Variants in SLC38A4 observed in about 807,000 individuals in gnomAD.
SLC38A4 encodes solute carrier family 38 member 4, also known as sodium-coupled neutral amino acid transporter 4.
In SLC38A4, 20 loss-of-function variants were observed where a neutral mutation model predicts 63.1. The ratio of observed to expected loss-of-function variants is 0.32; its 90% CI spans 0.22 to 0.46. The LOEUF (loss-of-function observed/expected upper bound fraction) is 0.46. Ranked by LOEUF, SLC38A4 falls within the 20% of genes least tolerant of loss-of-function variation. The probability of loss-of-function intolerance (pLI) is 1.00; values close to 1 mark genes in which losing one functional copy is unlikely to be tolerated. For missense variants in SLC38A4, 526 were observed against 663.6 expected, an observed-to-expected ratio of 0.79 and a Z score of 2.28; for synonymous variants, 230 against 225.5, an observed-to-expected ratio of 1.02 and a Z score of -0.18.
chr12:46,799,464 T>C (rs1051629998), intron 2 of SLC38A4, among the ~76,000 whole-genome samples: 28 of 152,168 alleles, frequency 1.8e-4, no homozygotes, highest in African/African-American at 6.3e-4. Flanking sequence ...TAGCTGGGCA[T>C]GGTGGCGCAT....
At chr12:46,820,667 A>T (rs1238366958) in intron 1 of SLC38A4, among the ~76,000 whole-genome samples, 1 of 151,988 alleles carries the variant, frequency 6.6e-6, no homozygotes, top group East Asian at 1.9e-4. Context: ...TGAGATTTTG[A>T]TTTCAATTCT....
chr12:46,817,858 C>T (rs1395545960), intron 1 of SLC38A4, among the ~76,000 whole-genome samples: 1 of 151,704 alleles, frequency 6.6e-6, no homozygotes, highest in Non-Finnish European at 1.5e-5. Flanking sequence ...AAATTAATTC[C>T]TATTAGTAAA....
intron 14 of SLC38A4, 114 bp downstream of exon 14, chr12:46,774,935 C>T: frequency 1.6e-6 from 2 of 1,215,422 alleles, no homozygotes; most frequent in East Asian, 2.5e-5. Flanking sequence ...AAATAATATC[C>T]TCAGGCATTG....
chr12:46,775,324 G>C, intron 13 of SLC38A4, 151 bp from the exon 14 acceptor site: 1 of 837,004 alleles, frequency 1.2e-6, no homozygotes, highest in Non-Finnish European at 1.8e-6. Context: ...GAGCTCATTA[G>C]CTATGCAACC....
chr12:46,789,394 T>G (rs1004006727), intron 3 of SLC38A4, among the ~76,000 whole-genome samples: 3 of 152,160 alleles, frequency 2.0e-5, no homozygotes, highest in African/African-American at 7.2e-5. Flanking sequence ...TTCAATGAAC[T>G]GGCAAAAGAG....
intron 10 of SLC38A4, 105 bp downstream of exon 10, chr12:46,779,505 AC>A: frequency 1.2e-6 from 1 of 846,622 alleles, no homozygotes; most frequent in Non-Finnish European, 1.9e-6. Context: ...TGATACAAGA[AC>A]TATTTCATAT....
rs745515238 is a variant in SLC38A4, at chr12:46,778,295, A to C, written c.1067T>G (p.Leu356Arg). The C allele has an allele frequency of 6.2e-7, 1 of 1,612,312 alleles. No homozygotes were observed. Among genetic ancestry groups the C allele is most frequent in the Non-Finnish European group, 8.5e-7 (1 of 1,178,952 alleles). Residue 356 changes from leucine to arginine, a missense_variant, in exon 12 of 17, where the codon CTT becomes CGT. By Grantham distance (102) the Leu-to-Arg change is moderately radical (BLOSUM62 -2). Transcript: ENST00000266579. ...HPEVLPIYSE[L>R]KDRSRRKMQT... ...AAAATGATGGCTGCCTTACTCTTTA[A>C]GTTCACTGTAGATGGGAAGGACCTC... is the stretch of plus-strand genomic sequence containing the variant.
At position 46,768,320 on chromosome 12, in the gene SLC38A4, T is replaced by C; in HGVS notation, c.1532A>G (p.Gln511Arg). Residue 511 changes from glutamine to arginine, a missense_variant, in exon 16 of 17, where the codon CAA becomes CGA. By Grantham distance (43) the Gln-to-Arg change is conservative. Coordinates refer to ENST00000266579, the MANE Select transcript of SLC38A4 (RefSeq NM_018018.5). ...GCAAGGTTTACTTACCCCGACCTTT[T>C]GGGGTGACCTAAAAGTTTCTTTCTT... ...LVKKETFRSP[Q>R]KVGALIFLVV... 1 of 1,609,724 alleles carries C rather than the reference T, an allele frequency of 6.2e-7. No individual in the cohort carries two copies. The highest frequency in any genetic ancestry group is 2.2e-5 in the East Asian group (1 of 44,752).
intron 2 of SLC38A4, among the ~76,000 whole-genome samples, chr12:46,798,035 T>C (rs1384104947): frequency 6.6e-6 from 1 of 152,132 alleles, no homozygotes; most frequent in African/African-American, 2.4e-5. Context: ...TCTTCATTTC[T>C]TTCACCTTCA....
At position 46,769,373 on chromosome 12, in the gene SLC38A4, C is replaced by A; in HGVS notation, c.1355G>T (p.Arg452Leu). ...AAGCACAGCTGCAATCAGGAAATGT[C>A]GTATCCAGCTGAAGGGTCGTTTGGG... ...LFPKRPFSWI[R>L]HFLIAAVLIA... Residue 452 changes from arginine (R) to leucine (L), a missense_variant, in exon 15 of 17, where the codon CGA (arginine) becomes CTA (leucine). Physicochemically the swap from Arg to Leu is moderately radical, Grantham distance 102. Transcript: ENST00000266579. 1.2e-6 allele frequency: 2 copies of A among 1,613,350 alleles called. No individual in the cohort carries two copies. The highest frequency in any genetic ancestry group is 8.5e-7 in the Non-Finnish European group (1 of 1,179,506).
chr12:46,781,160 C>T (rs1175098860), intron 7 of SLC38A4, among the ~76,000 whole-genome samples: 1 of 151,880 alleles, frequency 6.6e-6, no homozygotes, highest in Non-Finnish European at 1.5e-5. Context: ...ATTCTCATTC[C>T]ACTGATGAAG....
At chr12:46,817,390 G>C (rs935607177) in intron 1 of SLC38A4, among the ~76,000 whole-genome samples, 2 of 64,890 alleles carry the variant, frequency 3.1e-5, no homozygotes, top group Middle Eastern at 0.012. Flanking sequence ...TCAGGAACAG[G>C]ACTCACTAGA....
intron 3 of SLC38A4, among the ~76,000 whole-genome samples, chr12:46,792,407 G>A (rs1938909055): frequency 6.6e-6 from 1 of 152,044 alleles, no homozygotes; most frequent in Admixed American, 6.6e-5. Context: ...AGGTTTTGGA[G>A]GGAAAGATAG....
At chr12:46,779,306 G>T (rs770863174) in intron 10 of SLC38A4, among the ~76,000 whole-genome samples, 1 of 151,820 alleles carries the variant, frequency 6.6e-6, no homozygotes, top group African/African-American at 2.4e-5. Flanking sequence ...TCTCATCTGG[G>T]ACTCTCCTCT....
chr12:46,775,348 A>G (rs375548984), intron 13 of SLC38A4, among the ~76,000 whole-genome samples, 175 bp from the exon 14 acceptor site: 2 of 152,090 alleles, frequency 1.3e-5, no homozygotes, highest in East Asian at 1.9e-4. Context: ...ATTCAAATGA[A>G]CAAAGAGGTC....
chr12:46,801,168 A>G (rs926731512), intron 2 of SLC38A4, among the ~76,000 whole-genome samples: 2 of 152,144 alleles, frequency 1.3e-5, no homozygotes, highest in African/African-American at 2.4e-5. Context: ...TTAGAATATT[A>G]TTATATTAGA....
At chr12:46,831,082 C>T (rs1430426456) in intron 1 of SLC38A4, among the ~76,000 whole-genome samples, 2 of 152,190 alleles carry the variant, frequency 1.3e-5, no homozygotes, top group Admixed American at 1.3e-4. Context: ...AAAGTAAGGG[C>T]AATCTTCCAT....
At chr12:46,779,424 T>G (rs1592178602) in intron 10 of SLC38A4, among the ~76,000 whole-genome samples, 187 bp downstream of exon 10, 1 of 152,004 alleles carries the variant, frequency 6.6e-6, no homozygotes, top group African/African-American at 2.4e-5. Context: ...GCTTTGATAT[T>G]CTACCTCAAC....
intron 1 of SLC38A4, among the ~76,000 whole-genome samples, chr12:46,813,877 C>T (rs981190002): frequency 6.6e-6 from 1 of 152,008 alleles, no homozygotes. Context: ...TTGAGAAGAG[C>T]ATCTGGCACA....
Sources: allele counts gnomAD v4.1 joint callset (sites outside exome capture counted in the v4.1 genomes callset), GRCh38; gene constraint gnomAD v4.1.1; transcripts MANE v1.5; gene names NCBI Gene and HGNC (gene_info 2026-07-23, HGNC 2026-07-21).